Variants in TIAM1 observed in about 807,000 individuals in gnomAD.
TIAM1 encodes the protein rho guanine nucleotide exchange factor TIAM1.
TIAM1 carries 65 observed loss-of-function variants against 163.5 expected under a neutral mutation model. That is an observed-to-expected ratio of 0.40 (90% CI 0.33 to 0.49). The LOEUF is 0.49. TIAM1 is among the 20% of genes least tolerant of loss of function. The pLI, the probability that TIAM1 is intolerant of heterozygous loss-of-function variation, is 0.77. For synonymous variants in TIAM1, 833 were observed against 810.1 expected (o/e 1.03, Z -0.48); for missense variants, 1,789 against 2,044.7 (o/e 0.87, Z 2.41).
intron 2 of TIAM1, among the ~76,000 whole-genome samples, chr21:31,458,091 C>A (rs2045176194): frequency 6.6e-6 from 1 of 152,194 alleles, no homozygotes; most frequent in Admixed American, 6.5e-5. Flanking sequence ...TATTACAACC[C>A]TCCACACTGT....
intron 2 of TIAM1, among the ~76,000 whole-genome samples, chr21:31,384,198 C>T (rs1359083933): frequency 2.6e-5 from 4 of 151,416 alleles, no homozygotes; most frequent in Non-Finnish European, 5.9e-5. Context: ...AATTAAGATA[C>T]TCAAGGAAAT....
rs888347777 is a variant in TIAM1, at chr21:31,510,715, G to A, written c.-421-46680C>T. Among the ~76,000 whole-genome samples the A allele has an allele frequency of 3.3e-5, 5 of 152,026 alleles. No individual in the cohort carries two copies. In the East Asian group the frequency reaches 9.7e-4, roughly 29 times the overall value. On this transcript the variant is annotated intron_variant, in intron 1 of 28. Coordinates refer to the TIAM1 transcript ENST00000286827. Reference sequence around the variant, plus strand: ...TGTAATCCCAGCTACTCAGGAGGCTGAGACGGGAGAATTGCTTGAACCCAG... The same window carrying A: ...TGTAATCCCAGCTACTCAGGAGGCTAAGACGGGAGAATTGCTTGAACCCAG...
At chr21:31,323,745 C>T (rs1377367656) in intron 2 of TIAM1, among the ~76,000 whole-genome samples, 3 of 151,826 alleles carry the variant, frequency 2.0e-5, no homozygotes, top group Non-Finnish European at 4.4e-5. Flanking sequence ...GCAGGAGAAT[C>T]GCTAGAGCCC....
intron 2 of TIAM1, among the ~76,000 whole-genome samples, chr21:31,296,947 G>A (rs1158755912): frequency 1.3e-5 from 2 of 152,152 alleles, no homozygotes; most frequent in East Asian, 1.9e-4. Flanking sequence ...ACGGGCATGA[G>A]CCACTGCATC....
rs2071842166 is a variant in TIAM1, at chr21:31,252,062, G to A, written c.1091C>T (p.Ala364Val). The A allele has an allele frequency of 6.2e-7, 1 of 1,614,042 alleles. No individual in the cohort carries two copies. ...GCTGCCGCTGTCGCTGCCCACAAAG[G>A]CCCGGCCTGTGGTGGGTGAGTAGCT... ...NSSYSPTTGR[A>V]FVGSDSGSSS... Residue 364 changes from alanine (A) to valine (V), a missense_variant, in exon 5 of 28, where the codon GCC becomes GTC. Coordinates refer to ENST00000541036, the MANE Select transcript of TIAM1 (RefSeq NM_001353694.2).
At position 31,555,429 on chromosome 21, in the gene TIAM1, T is replaced by C. The variant is rs142853952; in HGVS notation, c.-422+3498A>G. 7.6e-4 allele frequency among the ~76,000 whole-genome samples: 115 copies of C among 152,238 alleles called. 2 individuals are homozygous for C. The East Asian group carries it at 0.019, about 25-fold the overall frequency. On this transcript the variant is annotated intron_variant, in intron 1 of 28. Coordinates refer to the TIAM1 transcript ENST00000286827. ...TAAATATACATGTGTGTATATAACA[T>C]ACACACACACATCCCCAGTGAAAGT...
intron 2 of TIAM1, among the ~76,000 whole-genome samples, chr21:31,383,464 G>T (rs113250131): frequency 4.1e-4 from 62 of 152,226 alleles, no homozygotes; most frequent in African/African-American, 1.2e-3. Flanking sequence ...TTGGTAGGAT[G>T]AGTCCTTTCC....
intron 2 of TIAM1, among the ~76,000 whole-genome samples, chr21:31,335,226 G>A (rs182960514): frequency 6.6e-6 from 1 of 152,042 alleles, no homozygotes; most frequent in Admixed American, 6.6e-5. Context: ...AGCCTGATAC[G>A]TTTCACCTGT....
intron 2 of TIAM1, among the ~76,000 whole-genome samples, chr21:31,301,732 C>G (rs1264578811): frequency 6.6e-6 from 1 of 151,930 alleles, no homozygotes; most frequent in Non-Finnish European, 1.5e-5. Flanking sequence ...CCCAGCTACT[C>G]AGGAGGCTAA....
At chr21:31,294,063 C>G (rs960995824) in intron 2 of TIAM1, among the ~76,000 whole-genome samples, 13 of 152,182 alleles carry the variant, frequency 8.5e-5, no homozygotes, top group African/African-American at 2.7e-4. Context: ...CACCTCTAAG[C>G]CAAGACTTCA....
At chr21:31,213,702 G>A (rs1166712180) in intron 9 of TIAM1, among the ~76,000 whole-genome samples, 2 of 150,150 alleles carry the variant, frequency 1.3e-5, no homozygotes, top group Non-Finnish European at 2.9e-5. Flanking sequence ...AAAAAAAAAA[G>A]TTTGCTCTCA....
In TIAM1 at chr21:31,225,963, G is replaced by A; in HGVS notation, c.1585-13C>T. 1 of 1,607,874 alleles carries A rather than the reference G, an allele frequency of 6.2e-7. No individual in the cohort carries two copies. The highest frequency in any genetic ancestry group is 8.5e-7 in the Non-Finnish European group (1 of 1,176,134). The stretch of plus-strand genomic sequence containing the variant: ...TCTGGCTAGTGGTCTGTACCAGGAA[G>A]AAGGGGCAGGAAGAAAAAGGCACCT... On this transcript the variant is annotated splice_polypyrimidine_tract_variant and intron_variant, in intron 6 of 27. Coordinates refer to ENST00000541036, the MANE Select transcript of TIAM1 (RefSeq NM_001353694.2).
chr21:31,391,374 T>C (rs2076962221), intron 2 of TIAM1, among the ~76,000 whole-genome samples: 1 of 152,054 alleles, frequency 6.6e-6, no homozygotes, highest in Non-Finnish European at 1.5e-5. Context: ...CCTGTAATCC[T>C]AGCACTTTGG....
At chr21:31,195,450 A>G in intron 12 of TIAM1, 145 bp from the exon 13 acceptor site, 4 of 622,598 alleles carry the variant, frequency 6.4e-6, no homozygotes, top group Non-Finnish European at 1.1e-5. Context: ...AAACTCATTA[A>G]AAGTAAAAAG....
intron 1 of TIAM1, among the ~76,000 whole-genome samples, chr21:31,513,152 CA>C (rs969606828): frequency 2.0e-5 from 3 of 152,176 alleles, no homozygotes; most frequent in African/African-American, 7.2e-5. Flanking sequence ...AACATTTTCA[CA>C]CATGCCATAT....
chr21:31,513,556 T>TA (rs1196274243), intron 1 of TIAM1, among the ~76,000 whole-genome samples: 1 of 152,222 alleles, frequency 6.6e-6, no homozygotes, highest in East Asian at 1.9e-4. Flanking sequence ...CCATGTTCTT[T>TA]AGCAGTAGAA....
chr21:31,120,828 G>A lies in TIAM1; in HGVS notation c.4316C>T (p.Pro1439Leu), dbSNP rs1313940641. ...CCTCCTCCTCCCAAGAGACTTGCTT[G>A]GGGCAGACACTGCACACACACACAA... The part of the protein sequence containing the change: ...RPAMSRAVSA[P>L]SKSLGRRRRR... The change falls in exon 28 of 28, where the codon CCA (proline) becomes CTA (leucine). Residue 1439 changes from proline (P) to leucine (L), a missense_variant. By Grantham distance (98) the Pro-to-Leu change is moderately conservative. Around this residue, in one of 5 missense-constraint regions of TIAM1, gnomAD observed 415 missense variants for 439.2 expected, o/e 0.94. Coordinates refer to ENST00000541036, the MANE Select transcript of TIAM1 (RefSeq NM_001353694.2). The surrounding 1 kb of genome is among the most constrained non-coding windows in gnomAD (Gnocchi z 4.2). The A allele has an allele frequency of 6.2e-7, 1 of 1,611,166 alleles. No homozygotes were observed. The highest frequency in any genetic ancestry group is 1.1e-5 in the South Asian group (1 of 90,718).
chr21:31,239,391 A>G (rs747907948), intron 6 of TIAM1, among the ~76,000 whole-genome samples: 5 of 152,148 alleles, frequency 3.3e-5, no homozygotes, highest in East Asian at 1.9e-4. Context: ...TGGCCCCCCA[A>G]AGTGCTGAGA....
At chr21:31,148,208 T>A (rs1427887487) in intron 19 of TIAM1, among the ~76,000 whole-genome samples, 1 of 152,066 alleles carries the variant, frequency 6.6e-6, no homozygotes, top group Non-Finnish European at 1.5e-5. Flanking sequence ...CCTTGGAGCC[T>A]GATATGGTTT....
Sources: gnomAD v4.1 joint callset for allele counts (sites outside exome capture counted in the v4.1 genomes callset) on GRCh38, gnomAD v4.1.1 for gene constraint, gnomAD v4.1.1 regional missense constraint, Gnocchi (gnomAD v3.1) non-coding constraint, MANE v1.5 for transcripts, NCBI Gene and HGNC (gene_info 2026-07-23, HGNC 2026-07-21) for gene names.